The following PRKACB variants were observed in gnomAD, a reference collection of about 807,000 sequenced individuals.
PRKACB encodes the protein cAMP-dependent protein kinase catalytic subunit beta.
PRKACB carries 16 observed loss-of-function variants against 51.4 expected under a neutral mutation model. The ratio of observed to expected loss-of-function variants is 0.31; its 90% CI spans 0.21 to 0.47. PRKACB has a LOEUF of 0.47. PRKACB is among the 20% of genes least tolerant of loss of function. The pLI, the probability that PRKACB is intolerant of heterozygous loss-of-function variation, is 1.00. For missense variants in PRKACB, 309 were observed against 464.5 expected (o/e 0.67, Z 3.08); for synonymous variants, 147 against 154.4 (o/e 0.95, Z 0.35).
At chr1:84,217,517 A>G (rs1384583068) in intron 9 of PRKACB, among the ~76,000 whole-genome samples, 2 of 151,766 alleles carry the variant, frequency 1.3e-5, no homozygotes, top group East Asian at 3.9e-4. Flanking sequence ...AAAACAGGCC[A>G]GGTGCAGTGG....
Position 84,202,606 on chromosome 1 carries a change from A to G in PRKACB, c.784-77A>G, listed in dbSNP as rs1052561938. 6 of 1,432,144 alleles carry G rather than the reference A, an allele frequency of 4.2e-6. No homozygotes were observed. In the African/African-American group the frequency reaches 7.2e-5, roughly 17 times the overall value. The allele number at this position is 1,432,144 out of a possible 1,614,324, so 88.7% of individuals were successfully genotyped here. On this transcript the variant is annotated intron_variant, in intron 7 of 9. Transcript: ENST00000370685. Reference sequence around the variant, plus strand: ...AAAAATTTTTATATGCTTCCAGATCATTTTGAAATTATCTTTGACTTCATT... The same window carrying G: ...AAAAATTTTTATATGCTTCCAGATCGTTTTGAAATTATCTTTGACTTCATT...
At chr1:84,189,717 A>T (rs769743747) in intron 5 of PRKACB, among the ~76,000 whole-genome samples, 1 of 152,004 alleles carries the variant, frequency 6.6e-6, no homozygotes, top group African/African-American at 2.4e-5. Flanking sequence ...ATTAGATCTC[A>T]GGAAGAAATG....
chr1:84,213,750 G>C (rs938984573), intron 8 of PRKACB, among the ~76,000 whole-genome samples: 5 of 152,104 alleles, frequency 3.3e-5, no homozygotes, highest in African/African-American at 1.2e-4. Context: ...TTCATATGCT[G>C]GTTCTTCTAT....
chr1:84,194,561 A>G (rs895676460), intron 5 of PRKACB, among the ~76,000 whole-genome samples: 11 of 152,210 alleles, frequency 7.2e-5, no homozygotes, highest in Admixed American at 6.5e-4. Flanking sequence ...CCTACATTCA[A>G]TTAAATATTA....
At chr1:84,116,934 T>G (rs138398206) in intron 1 of PRKACB, among the ~76,000 whole-genome samples, 19 of 152,290 alleles carry the variant, frequency 1.2e-4, no homozygotes, top group East Asian at 1.9e-4. Flanking sequence ...CCCCATTTAG[T>G]ATGTTGTTAG....
At chr1:84,082,635 G>A (rs1305469334) in intron 1 of PRKACB, among the ~76,000 whole-genome samples, 1 of 151,914 alleles carries the variant, frequency 6.6e-6, no homozygotes, top group African/African-American at 2.4e-5. Context: ...TTAGAGTAGC[G>A]CTGTCCAGTC....
At chr1:84,132,901 A>G (rs1213336783) in intron 1 of PRKACB, among the ~76,000 whole-genome samples, 1 of 152,136 alleles carries the variant, frequency 6.6e-6, no homozygotes, top group African/African-American at 2.4e-5. Flanking sequence ...AAAAAGGTAT[A>G]TGATTTATCT....
At chr1:84,204,996 T>C in intron 8 of PRKACB, 1 of 983,710 alleles carries the variant, frequency 1.0e-6, no homozygotes, top group Non-Finnish European at 1.2e-6. Flanking sequence ...ATCATAACAG[T>C]CTAAATCCTG....
chr1:84,153,361 A>G (rs1655066299), intron 1 of PRKACB, among the ~76,000 whole-genome samples: 1 of 152,162 alleles, frequency 6.6e-6, no homozygotes, highest in Non-Finnish European at 1.5e-5. Flanking sequence ...GCTTGACACA[A>G]GGTTGCCCCA....
chr1:84,125,917 C>T (rs1213695165), intron 1 of PRKACB, among the ~76,000 whole-genome samples: 2 of 152,164 alleles, frequency 1.3e-5, no homozygotes, highest in East Asian at 1.9e-4. Flanking sequence ...CCCTTGACCC[C>T]TTCGCGGGAC....
At position 84,110,595 on chromosome 1, in the gene PRKACB, C is replaced by G. The variant is rs75456716; in HGVS notation, c.46+32224C>G. Reference sequence around the variant, plus strand: ...TGAGGCTGATATCTATTCCTTCCTGCCGTGGCAAAAGTCATCAATAATTTG... The same window carrying G: ...TGAGGCTGATATCTATTCCTTCCTGGCGTGGCAAAAGTCATCAATAATTTG... On this transcript the variant is annotated intron_variant, in intron 1 of 8. Transcript: ENST00000370688. Among the ~76,000 whole-genome samples the G allele has an allele frequency of 4.2e-3, 631 of 152,002 alleles. 4 individuals carry two copies. Among genetic ancestry groups the G allele is most frequent in the African/African-American group, 0.014 (597 of 41,488 alleles).
intron 5 of PRKACB, among the ~76,000 whole-genome samples, chr1:84,193,842 T>C (rs1180031362): frequency 6.6e-6 from 1 of 152,148 alleles, no homozygotes; most frequent in Non-Finnish European, 1.5e-5. Context: ...AATTAAATAC[T>C]GGCATAACTA....
intron 1 of PRKACB, among the ~76,000 whole-genome samples, chr1:84,114,032 T>C (rs1292675416): frequency 6.6e-6 from 1 of 152,182 alleles, no homozygotes; most frequent in Non-Finnish European, 1.5e-5. Flanking sequence ...CTAGGGACTT[T>C]ATAAACATTA....
intron 7 of PRKACB, among the ~76,000 whole-genome samples, chr1:84,200,608 T>C (rs1669825894): frequency 6.9e-6 from 1 of 145,424 alleles, no homozygotes; most frequent in Admixed American, 7.0e-5. Context: ...AAGGTTTTTA[T>C]ACTCCGGGGT....
chr1:84,142,360 A>G (rs549761729), upstream of PRKACB, among the ~76,000 whole-genome samples: 7 of 152,304 alleles, frequency 4.6e-5, no homozygotes, highest in East Asian at 1.4e-3. Flanking sequence ...TTCCTTCAGT[A>G]GAGCAAATCA....
At chr1:84,087,139 T>G (rs1295952776) in intron 1 of PRKACB, among the ~76,000 whole-genome samples, 1 of 152,230 alleles carries the variant, frequency 6.6e-6, no homozygotes, top group African/African-American at 2.4e-5. Context: ...AGTTGTGGTG[T>G]TTTGTGTATA....
intron 1 of PRKACB, among the ~76,000 whole-genome samples, chr1:84,107,213 G>A (rs1049720767): frequency 3.3e-5 from 5 of 151,990 alleles, no homozygotes; most frequent in Middle Eastern, 3.4e-3. Context: ...GTTTGACAAG[G>A]CTGATTAAAC....
intron 8 of PRKACB, among the ~76,000 whole-genome samples, chr1:84,211,730 G>C (rs1360502998): frequency 6.6e-6 from 1 of 152,074 alleles, no homozygotes; most frequent in African/African-American, 2.4e-5. Context: ...AATAATTTCT[G>C]TAGGTCTCAA....
intron 1 of PRKACB, among the ~76,000 whole-genome samples, chr1:84,101,929 G>A (rs933899854): frequency 6.6e-6 from 1 of 152,120 alleles, no homozygotes; most frequent in African/African-American, 2.4e-5. Flanking sequence ...AAAGCTGCCT[G>A]CAGTTATATT....
Sources: gnomAD v4.1 joint callset for allele counts (sites outside exome capture counted in the v4.1 genomes callset) on GRCh38, gnomAD v4.1.1 for gene constraint, MANE v1.5 for transcripts, NCBI Gene and HGNC (gene_info 2026-07-23, HGNC 2026-07-21) for gene names.